The following PALLD variants were observed in gnomAD, a reference collection of about 807,000 sequenced individuals.
The protein encoded by PALLD is palladin, cytoskeletal associated protein.
PALLD carries 61 observed loss-of-function variants against 123.5 expected under a neutral mutation model. That is an observed-to-expected ratio of 0.49 (90% CI 0.40 to 0.61). The LOEUF (loss-of-function observed/expected upper bound fraction) is 0.61. Among genes scored for constraint, PALLD ranks in the 20% least tolerant of loss-of-function variants. The pLI is 0.00. For missense variants in PALLD, 1,273 were observed against 1,377.0 expected (o/e 0.92, Z 1.20); for synonymous variants, 465 against 496.4 (o/e 0.94, Z 0.84).
intron 8 of PALLD, among the ~76,000 whole-genome samples, chr4:168,693,559 T>G (rs541631680): frequency 6.6e-6 from 1 of 152,330 alleles, no homozygotes; most frequent in South Asian, 2.1e-4. Flanking sequence ...AATTTTCTTA[T>G]TTACATAGTT....
intron 2 of PALLD, among the ~76,000 whole-genome samples, chr4:168,565,024 A>C (rs942315584): frequency 7.5e-5 from 5 of 66,958 alleles, no homozygotes; most frequent in African/African-American, 2.3e-4. Context: ...CATCTCTACC[A>C]AAAAAAAAAA....
intron 2 of PALLD, among the ~76,000 whole-genome samples, chr4:168,632,362 A>C (rs142607830): frequency 8.6e-4 from 131 of 152,342 alleles, no homozygotes; most frequent in African/African-American, 2.9e-3. Context: ...AATTTCTGAC[A>C]GCCTAAGAGC....
intron 1 of PALLD, among the ~76,000 whole-genome samples, chr4:168,506,985 T>C (rs1252933352): frequency 1.3e-5 from 2 of 152,150 alleles, no homozygotes; most frequent in Non-Finnish European, 2.9e-5. Flanking sequence ...TTTTCCTCGA[T>C]GACCTTATGC....
intron 2 of PALLD, among the ~76,000 whole-genome samples, chr4:168,620,758 G>A (rs1774688308): frequency 6.6e-6 from 1 of 152,188 alleles, no homozygotes; most frequent in Admixed American, 6.5e-5. Flanking sequence ...CTAGACTTCA[G>A]ATGCAGACCC....
At chr4:168,838,077 G>A (rs887647798) in intron 10 of PALLD, among the ~76,000 whole-genome samples, 16 of 152,154 alleles carry the variant, frequency 1.1e-4, no homozygotes, top group Admixed American at 7.2e-4. Flanking sequence ...ATTGTTTCTC[G>A]CAGCAACCCA....
At chr4:168,584,799 G>A (rs556285099) in intron 2 of PALLD, among the ~76,000 whole-genome samples, 7 of 152,122 alleles carry the variant, frequency 4.6e-5, no homozygotes, top group Admixed American at 3.3e-4. Flanking sequence ...AACTTGAGGG[G>A]GACTGTTTGA....
At chr4:168,752,492 T>C (rs570802140) in intron 10 of PALLD, among the ~76,000 whole-genome samples, 1 of 152,376 alleles carries the variant, frequency 6.6e-6, no homozygotes, top group East Asian at 1.9e-4. Context: ...TTCCATAGAA[T>C]AGAGATGGTT....
chr4:168,849,675 A>G (rs1487501914), intron 10 of PALLD, among the ~76,000 whole-genome samples: 1 of 152,198 alleles, frequency 6.6e-6, no homozygotes, highest in Admixed American at 6.5e-5. Flanking sequence ...CAGATTTGAC[A>G]TTAGACTTTT....
At chr4:168,507,230 T>C (rs1762095213) in intron 1 of PALLD, 1 of 168,746 alleles carries the variant, frequency 5.9e-6, no homozygotes, top group South Asian at 2.0e-4. Flanking sequence ...GTACCAGTCA[T>C]CTGGTTGTTG....
At chr4:168,533,753 G>A (rs1764830030) in intron 2 of PALLD, among the ~76,000 whole-genome samples, 1 of 152,158 alleles carries the variant, frequency 6.6e-6, no homozygotes, top group Non-Finnish European at 1.5e-5. Flanking sequence ...TCCATGTGGA[G>A]AGCCTGCACC....
Position 168,886,355 on chromosome 4 carries a change from C to G in PALLD, c.1965-4567C>G, listed in dbSNP as rs541273601. On this transcript the variant is annotated intron_variant, in intron 10 of 21. Coordinates refer to ENST00000505667, the MANE Select transcript of PALLD (RefSeq NM_001166108.2). Reference sequence around the variant, plus strand: ...ATCACTATTAGACATTTTAAAATATCTTTTGGCTGGGAACAGTGGCTCACA... The same window carrying G: ...ATCACTATTAGACATTTTAAAATATGTTTTGGCTGGGAACAGTGGCTCACA... Among the ~76,000 whole-genome samples the G allele has an allele frequency of 9.3e-4, 142 of 152,248 alleles. 1 individual carries two copies. Among genetic ancestry groups the G allele is most frequent in the African/African-American group, 3.3e-3 (137 of 41,542 alleles).
At chr4:168,924,640 G>C (rs1560936541) in intron 19 of PALLD, among the ~76,000 whole-genome samples, 1 of 152,142 alleles carries the variant, frequency 6.6e-6, no homozygotes, top group Non-Finnish European at 1.5e-5. Context: ...TTTCTTAAAA[G>C]TGTTTATCAT....
chr4:168,554,049 A>G (rs1767019903), intron 2 of PALLD, among the ~76,000 whole-genome samples: 1 of 152,192 alleles, frequency 6.6e-6, no homozygotes, highest in African/African-American at 2.4e-5. Context: ...GCCCCCACTG[A>G]GGCCAGCGCA....
chr4:168,721,698 T>G (rs985119525), intron 10 of PALLD, among the ~76,000 whole-genome samples: 1 of 152,240 alleles, frequency 6.6e-6, no homozygotes. Flanking sequence ...AAACTTCAGT[T>G]CATTTGACTG....
rs1560838137 is a variant in PALLD at position 168,877,916 on chromosome 4, G to A, written c.1965-13006G>A. On this transcript the variant is annotated intron_variant, in intron 10 of 21. Transcript: ENST00000505667. ...CATGAGCGCGCTGGCCTCCCGCTCCGCCCCCGCCATGCAGTCCTCCGGCTC... is the reference window on the plus strand; with the variant it reads ...CATGAGCGCGCTGGCCTCCCGCTCCACCCCCGCCATGCAGTCCTCCGGCTC... The A allele has an allele frequency of 7.4e-6, 11 of 1,481,280 alleles. No individual in the cohort carries two copies. Among genetic ancestry groups the A allele is most frequent in the Admixed American group, 2.2e-5 (1 of 44,850 alleles). 91.8% of individuals were successfully genotyped at this position (1,481,280 alleles called of 1,614,324 possible).
intron 10 of PALLD, among the ~76,000 whole-genome samples, chr4:168,825,424 C>A (rs1231859925): frequency 6.6e-6 from 1 of 152,146 alleles, no homozygotes; most frequent in African/African-American, 2.4e-5. Context: ...TGAAGCAAAT[C>A]ATTATGTATT....
intron 10 of PALLD, among the ~76,000 whole-genome samples, chr4:168,717,399 A>G (rs1315219450): frequency 6.6e-6 from 1 of 152,048 alleles, no homozygotes; most frequent in African/African-American, 2.4e-5. Context: ...CTGGAGAGCA[A>G]TGGAGCAATG....
chr4:168,619,826 C>T (rs1464733510), intron 2 of PALLD, among the ~76,000 whole-genome samples: 1 of 152,146 alleles, frequency 6.6e-6, no homozygotes, highest in Non-Finnish European at 1.5e-5. Context: ...CACCCCAAAC[C>T]TAGTCTCCTG....
At chr4:168,501,465 C>T (rs1317392645) in intron 1 of PALLD, among the ~76,000 whole-genome samples, 1 of 152,096 alleles carries the variant, frequency 6.6e-6, no homozygotes, top group African/African-American at 2.4e-5. Flanking sequence ...AAATAGGTCA[C>T]CGTGGACATT....
Sources: allele counts gnomAD v4.1 joint callset (sites outside exome capture counted in the v4.1 genomes callset), GRCh38; gene constraint gnomAD v4.1.1; transcripts MANE v1.5; gene names NCBI Gene and HGNC (gene_info 2026-07-23, HGNC 2026-07-21).